FILIP1L: variants seen among roughly 807,000 people sequenced by gnomAD.
FILIP1L encodes the protein filamin A-interacting protein 1-like.
Under a neutral mutation model 96.6 loss-of-function variants are expected in FILIP1L, and 55 were observed. That is an observed-to-expected ratio of 0.57 (90% confidence interval 0.46 to 0.71). The LOEUF is 0.71. FILIP1L is among the 30% of genes least tolerant of loss of function. The probability of loss-of-function intolerance (pLI) is 0.00; values close to 1 mark genes in which losing one functional copy is unlikely to be tolerated. For synonymous variants in FILIP1L, 467 were observed against 473.9 expected, an observed-to-expected ratio of 0.99 and a Z score of 0.19; for missense variants, 1,304 against 1,321.2, an observed-to-expected ratio of 0.99 and a Z score of 0.20.
intron 4 of FILIP1L, among the ~76,000 whole-genome samples, chr3:99,891,227 A>G (rs991685692): frequency 2.6e-5 from 4 of 151,800 alleles, no homozygotes; most frequent in Non-Finnish European, 5.9e-5. Flanking sequence ...TTGTTTCTAA[A>G]TTACCCTTTC....
chr3:100,043,696 T>C (rs2065240148), intron 1 of FILIP1L, among the ~76,000 whole-genome samples: 1 of 152,284 alleles, frequency 6.6e-6, no homozygotes, highest in Admixed American at 6.5e-5. Flanking sequence ...TGACAAAAAA[T>C]TGTGTATATT....
In FILIP1L at chr3:100,075,565, CT is replaced by C. The variant is rs1218386491; in HGVS notation, c.-11+38487del. On this transcript the variant is annotated intron_variant, in intron 1 of 5. Transcript: ENST00000477258. Reference sequence around the variant, plus strand: ...AATCTTTGTCTTCTCTTTTCTTTTTCTTTTTTTTTTTTTAACTGTCTCCTAT... The same window carrying C: ...AATCTTTGTCTTCTCTTTTCTTTTTCTTTTTTTTTTTTAACTGTCTCCTAT... The C allele has an allele frequency of 5.7e-3, 804 of 141,856 alleles. 3 individuals carry two copies. Among genetic ancestry groups the C allele is most frequent in the African/African-American group, 9.2e-3 (358 of 38,974 alleles). 8.8% of individuals were successfully genotyped at this position (141,856 alleles called of 1,614,324 possible).
At chr3:100,019,518 T>G (rs967170972) in intron 1 of FILIP1L, among the ~76,000 whole-genome samples, 1 of 152,222 alleles carries the variant, frequency 6.6e-6, no homozygotes, top group Non-Finnish European at 1.5e-5. Flanking sequence ...TCTAAAAAGA[T>G]TTTTAAAGTA....
chr3:100,055,104 C>A (rs1027539414), intron 1 of FILIP1L, among the ~76,000 whole-genome samples: 3 of 152,128 alleles, frequency 2.0e-5, no homozygotes, highest in African/African-American at 7.2e-5. Flanking sequence ...CAGACTCTTA[C>A]CAAAGTCCTC....
chr3:99,970,408 T>G (rs533874451), intron 1 of FILIP1L, among the ~76,000 whole-genome samples: 1 of 152,340 alleles, frequency 6.6e-6, no homozygotes, highest in Admixed American at 6.5e-5. Context: ...ATAAATGCTG[T>G]AAAGGAAATG....
intron 1 of FILIP1L, among the ~76,000 whole-genome samples, chr3:99,974,168 A>T (rs1016423582): frequency 2.0e-5 from 3 of 152,224 alleles, no homozygotes; most frequent in Non-Finnish European, 2.9e-5. Context: ...GGACAATATG[A>T]GTATTTCCAT....
At chr3:100,109,008 G>A (rs981112614) in intron 1 of FILIP1L, among the ~76,000 whole-genome samples, 3 of 151,536 alleles carry the variant, frequency 2.0e-5, no homozygotes, top group Non-Finnish European at 4.4e-5. Flanking sequence ...CTTTTTCAAT[G>A]CAGTTTGACA....
At chr3:99,928,239 G>A (rs997251043) in intron 3 of FILIP1L, among the ~76,000 whole-genome samples, 10 of 152,084 alleles carry the variant, frequency 6.6e-5, no homozygotes, top group East Asian at 1.9e-4. Context: ...GTTTATTTTC[G>A]GGGCATTCCC....
chr3:99,977,336 C>T (rs980579443), intron 1 of FILIP1L, among the ~76,000 whole-genome samples: 2 of 151,904 alleles, frequency 1.3e-5, no homozygotes, highest in Non-Finnish European at 2.9e-5. Context: ...AAAGGTTGAT[C>T]TAGTAGCTGA....
chr3:99,983,801 T>C, intron 1 of FILIP1L, among the ~76,000 whole-genome samples: 1 of 151,392 alleles, frequency 6.6e-6, no homozygotes, highest in Non-Finnish European at 1.5e-5. Context: ...GCAAGAAAAG[T>C]AAAATCAGAG....
chr3:99,876,715 A>C (rs942444755), intron 4 of FILIP1L, among the ~76,000 whole-genome samples: 1 of 152,128 alleles, frequency 6.6e-6, no homozygotes, highest in Non-Finnish European at 1.5e-5. Context: ...TTTCCTGATG[A>C]TGTAACTACC....
At position 99,950,295 on chromosome 3, in the gene FILIP1L, C is replaced by T. The variant is rs1708137897; in HGVS notation, c.-10-19265G>A. 3.9e-5 allele frequency among the ~76,000 whole-genome samples: 6 copies of T among 152,156 alleles called. No individual in the cohort carries two copies. In the South Asian group the frequency reaches 1.2e-3, roughly 32 times the overall value. Reference sequence around the variant, plus strand: ...AAAGGATGATAGTTATACCAGAGCTCTTACTAAATGTTAGAAATTTTTACA... The same window carrying T: ...AAAGGATGATAGTTATACCAGAGCTTTTACTAAATGTTAGAAATTTTTACA... On this transcript the variant is annotated intron_variant, in intron 1 of 5. Coordinates refer to ENST00000477258, the MANE Select transcript of FILIP1L (RefSeq NM_001387850.1).
At chr3:100,086,499 C>G (rs1328058817) in intron 1 of FILIP1L, among the ~76,000 whole-genome samples, 1 of 152,120 alleles carries the variant, frequency 6.6e-6, no homozygotes, top group East Asian at 1.9e-4. Context: ...TACTCAAATA[C>G]TTTTTTTACA....
chr3:99,888,965 T>G (rs192028370), intron 4 of FILIP1L, among the ~76,000 whole-genome samples: 49 of 152,314 alleles, frequency 3.2e-4, no homozygotes, highest in African/African-American at 1.2e-3. Flanking sequence ...ATTGATTACA[T>G]TATATTCAGA....
At chr3:100,021,972 A>T (rs1268423398) in intron 1 of FILIP1L, among the ~76,000 whole-genome samples, 3,431 of 127,022 alleles carry the variant, frequency 0.027, 114 homozygotes, top group African/African-American at 0.08. Flanking sequence ...AGAGAGAGAG[A>T]GAGAGAGAGA....
At chr3:100,106,305 G>A (rs563618017) in intron 1 of FILIP1L, among the ~76,000 whole-genome samples, 1 of 152,240 alleles carries the variant, frequency 6.6e-6, no homozygotes, top group East Asian at 1.9e-4. Context: ...CAGACTGAAA[G>A]CTCAGTCCTC....
At chr3:99,902,063 A>G (rs991705495) in intron 4 of FILIP1L, among the ~76,000 whole-genome samples, 3 of 152,132 alleles carry the variant, frequency 2.0e-5, no homozygotes, top group African/African-American at 4.8e-5. Context: ...ACTATGTTTT[A>G]TTTTTTAGAG....
intron 3 of FILIP1L, chr3:99,925,815 A>G: frequency 1.0e-6 from 1 of 984,504 alleles, no homozygotes; most frequent in South Asian, 4.7e-5. Context: ...CCAGTGGCCA[A>G]AAGCATCACA....
Position 99,845,189 on chromosome 3 carries a change from CCTT to C in FILIP1L, c.3381+3103_3381+3105del, listed in dbSNP as rs559509433. Among the ~76,000 whole-genome samples the C allele has an allele frequency of 7.9e-3, 1,208 of 152,210 alleles. 10 individuals carry two copies. Among genetic ancestry groups the C allele is most frequent in the Non-Finnish European group, 0.014 (926 of 68,004 alleles). On this transcript the variant is annotated intron_variant, in intron 5 of 5. Coordinates refer to ENST00000477258, the MANE Select transcript of FILIP1L (RefSeq NM_001387850.1). ...ATTCAAGTGTAGTAATGCACAATGT[CCTT>C]CTAGTAAGGATGACAATTTTATTTT...
Sources: allele counts gnomAD v4.1 joint callset (sites outside exome capture counted in the v4.1 genomes callset), GRCh38; gene constraint gnomAD v4.1.1; transcripts MANE v1.5; gene names NCBI Gene and HGNC (gene_info 2026-07-23, HGNC 2026-07-21).